Variants in MTA3 observed in about 807,000 individuals in gnomAD.
MTA3 encodes metastasis-associated protein MTA3.
In MTA3, 34 loss-of-function variants were observed where a neutral mutation model predicts 83.5. The ratio of observed to expected loss-of-function variants is 0.41; its 90% confidence interval spans 0.31 to 0.54. The LOEUF (loss-of-function observed/expected upper bound fraction) is 0.54. Ranked by LOEUF, MTA3 falls within the 20% of genes least tolerant of loss-of-function variation. The probability of loss-of-function intolerance (pLI) is 0.33; values close to 1 mark genes in which losing one functional copy is unlikely to be tolerated. For synonymous variants in MTA3, 303 were observed against 252.7 expected, an observed-to-expected ratio of 1.20 and a Z score of -1.89; for missense variants, 761 against 726.4, an observed-to-expected ratio of 1.05 and a Z score of -0.55.
intron 2 of MTA3, among the ~76,000 whole-genome samples, chr2:42,510,866 G>A (rs1458242384): frequency 2.6e-5 from 4 of 152,192 alleles, no homozygotes; most frequent in Non-Finnish European, 5.9e-5. Context: ...GCTGGGCAAG[G>A]ATTCTGTTCG....
At chr2:42,519,815 C>T (rs993068952) in intron 2 of MTA3, among the ~76,000 whole-genome samples, 4 of 151,548 alleles carry the variant, frequency 2.6e-5, no homozygotes, top group Admixed American at 1.3e-4. Flanking sequence ...TTTGGGAGGC[C>T]GAGGCAGGTG....
intron 2 of MTA3, among the ~76,000 whole-genome samples, chr2:42,496,277 T>G (rs543293181): frequency 5.3e-5 from 8 of 152,334 alleles, no homozygotes; most frequent in African/African-American, 1.9e-4. Context: ...ATCATTTCAT[T>G]TGTTTCAAGA....
intron 11 of MTA3, 104 bp from the exon 12 acceptor site, chr2:42,704,090 T>G: frequency 7.8e-7 from 1 of 1,281,400 alleles, no homozygotes; most frequent in Non-Finnish European, 1.1e-6. Context: ...TTTTAAAATG[T>G]TTGTTTATGT....
intron 3 of MTA3, among the ~76,000 whole-genome samples, chr2:42,605,243 G>C (rs1683127586): frequency 3.3e-5 from 4 of 120,816 alleles, no homozygotes; most frequent in African/African-American, 1.3e-4. Context: ...TCCCGGACGG[G>C]GCGGCTGGCC....
intron 3 of MTA3, among the ~76,000 whole-genome samples, chr2:42,606,334 CCT>C (rs933376947): frequency 1.3e-5 from 2 of 149,582 alleles, no homozygotes; most frequent in Non-Finnish European, 3.0e-5. Flanking sequence ...AGGCTCCTCA[CCT>C]CTCAGACGGG....
chr2:42,564,253 T>C (rs975453217), upstream of MTA3, among the ~76,000 whole-genome samples: 2 of 152,192 alleles, frequency 1.3e-5, no homozygotes, highest in African/African-American at 4.8e-5. Flanking sequence ...GTAATGTTAC[T>C]AGAGAAGGAA....
At chr2:42,751,540 G>A (rs1669870490) in intron 16 of MTA3, among the ~76,000 whole-genome samples, 1 of 152,188 alleles carries the variant, frequency 6.6e-6, no homozygotes, top group South Asian at 2.1e-4. Context: ...GTAAGGGCAG[G>A]TGGTAAGTAC....
chr2:42,576,258 A>T (rs559018269), intron 2 of MTA3, among the ~76,000 whole-genome samples: 2 of 152,304 alleles, frequency 1.3e-5, no homozygotes, highest in African/African-American at 4.8e-5. Flanking sequence ...AACTTCTAAG[A>T]AGGCAAGAAC....
At chr2:42,652,040 T>C (rs1461615956) in intron 6 of MTA3, among the ~76,000 whole-genome samples, 3 of 151,716 alleles carry the variant, frequency 2.0e-5, no homozygotes, top group Non-Finnish European at 2.9e-5. Context: ...GAAGTTGCAG[T>C]GAGCCAAGAT....
chr2:42,549,070 G>A (rs767304038), intron 2 of MTA3, among the ~76,000 whole-genome samples: 11 of 136,888 alleles, frequency 8.0e-5, no homozygotes, highest in Admixed American at 2.6e-4. Flanking sequence ...GCTACTCGGA[G>A]GCTGAGACAG....
intron 2 of MTA3, among the ~76,000 whole-genome samples, chr2:42,560,208 G>C (rs898806568): frequency 6.1e-4 from 93 of 152,190 alleles, no homozygotes; most frequent in African/African-American, 2.2e-3. Flanking sequence ...TTTTAGTAGA[G>C]ATGGGGTTTC....
At chr2:42,724,095 A>G (rs1271849865) in intron 16 of MTA3, among the ~76,000 whole-genome samples, 1 of 152,174 alleles carries the variant, frequency 6.6e-6, no homozygotes, top group Non-Finnish European at 1.5e-5. Context: ...CCTGATGTCT[A>G]GACAGCAGAA....
chr2:42,605,889 G>T (rs570328580), intron 3 of MTA3, among the ~76,000 whole-genome samples: 1 of 113,854 alleles, frequency 8.8e-6, no homozygotes, highest in Non-Finnish European at 1.9e-5. Flanking sequence ...CGGGCAGAGG[G>T]GCTCCTCACT....
At chr2:42,562,611 C>T (rs966878094) in intron 2 of MTA3, among the ~76,000 whole-genome samples, 7 of 152,182 alleles carry the variant, frequency 4.6e-5, no homozygotes, top group African/African-American at 1.7e-4. Flanking sequence ...TGCCTATTTG[C>T]ACATTTGCAC....
intron 6 of MTA3, among the ~76,000 whole-genome samples, chr2:42,647,681 A>G (rs1417139739): frequency 6.6e-6 from 1 of 152,230 alleles, no homozygotes; most frequent in African/African-American, 2.4e-5. Flanking sequence ...ATCTCTAACA[A>G]AAACAACAGA....
At chr2:42,508,953 T>C (rs544430076) in intron 2 of MTA3, among the ~76,000 whole-genome samples, 1 of 150,840 alleles carries the variant, frequency 6.6e-6, no homozygotes, top group East Asian at 1.9e-4. Context: ...TGTACCTTCC[T>C]TTTGATTTCA....
In MTA3 at chr2:42,708,897, G is replaced by A. The variant is rs764726884; in HGVS notation, c.1326G>A (p.Val442=). ...AGGACCCTCGTGTTAGAAGTCACGT[G>A]TCCCGCCAGGCCATGCAGGGAATGC... ...TTEDPRVRSH[V]SRQAMQGMPV... is the part of the protein sequence containing the mutation. The change falls in exon 14 of 17, where the codon GTG becomes GTA. Residue 442 remains valine (V), a synonymous_variant. Transcript: ENST00000405094. 2.7e-5 allele frequency: 43 copies of A among 1,613,836 alleles called. 1 individual carries two copies. The highest frequency in any genetic ancestry group is 1.0e-4 in the Admixed American group (6 of 60,002).
intron 2 of MTA3, among the ~76,000 whole-genome samples, chr2:42,563,351 T>C (rs1677754065): frequency 6.6e-6 from 1 of 152,170 alleles, no homozygotes; most frequent in East Asian, 1.9e-4. Flanking sequence ...GTATTTTTAA[T>C]AGAGACGGGG....
intron 3 of MTA3, among the ~76,000 whole-genome samples, chr2:42,594,638 T>A (rs1177299787): frequency 1.4e-4 from 11 of 77,880 alleles, no homozygotes; most frequent in African/African-American, 3.6e-4. Context: ...GAACATCTTT[T>A]TATATATATA....
Sources: gnomAD v4.1 joint callset for allele counts (sites outside exome capture counted in the v4.1 genomes callset) on GRCh38, gnomAD v4.1.1 for gene constraint, MANE v1.5 for transcripts, NCBI Gene and HGNC (gene_info 2026-07-23, HGNC 2026-07-21) for gene names.